The following BNC2 variants were observed in gnomAD, a reference collection of about 807,000 sequenced individuals.
BNC2 encodes zinc finger protein basonuclin-2.
BNC2 carries 20 observed loss-of-function variants against 76.3 expected under a neutral mutation model. The observed-to-expected ratio is 0.26, with a 90% CI of 0.18 to 0.38. The LOEUF is 0.38. Among genes scored for constraint, BNC2 ranks in the 10% least tolerant of loss-of-function variants. The pLI, the probability that BNC2 is intolerant of heterozygous loss-of-function variation, is 1.00. For missense variants in BNC2, 1,382 were observed against 1,399.8 expected (o/e 0.99, Z 0.20); for synonymous variants, 582 against 514.8 (o/e 1.13, Z -1.77).
At chr9:16,802,262 A>G (rs1320483467) in intron 1 of BNC2, among the ~76,000 whole-genome samples, 4 of 152,206 alleles carry the variant, frequency 2.6e-5, no homozygotes, top group Non-Finnish European at 4.4e-5. Context: ...AAACCATTAG[A>G]GGGCTCCTTA....
chr9:16,722,006 C>G (rs1824171629), intron 3 of BNC2, among the ~76,000 whole-genome samples: 1 of 152,196 alleles, frequency 6.6e-6, no homozygotes, highest in Non-Finnish European at 1.5e-5. Context: ...AAAATCCTCT[C>G]AAAAGCTTTG....
intron 3 of BNC2, among the ~76,000 whole-genome samples, chr9:16,677,234 C>G: frequency 6.6e-6 from 1 of 152,134 alleles, no homozygotes; most frequent in East Asian, 1.9e-4. Flanking sequence ...GGCTGAAGAA[C>G]TCATCTTTCT....
intron 4 of BNC2, among the ~76,000 whole-genome samples, chr9:16,558,288 A>C (rs889596723): frequency 6.6e-6 from 1 of 152,254 alleles, no homozygotes. Flanking sequence ...CCAGGAACTT[A>C]CTTAGAACTA....
chr9:16,486,962 G>GT (rs1822177195), intron 5 of BNC2, among the ~76,000 whole-genome samples: 1 of 152,116 alleles, frequency 6.6e-6, no homozygotes. Flanking sequence ...TCCCATCTTG[G>GT]CCTCAAAAAG....
intron 3 of BNC2, among the ~76,000 whole-genome samples, chr9:16,694,811 C>T (rs1823287457): frequency 6.6e-6 from 1 of 152,084 alleles, no homozygotes; most frequent in Non-Finnish European, 1.5e-5. Context: ...CTGCTGAGGA[C>T]CCCAGACTAA....
At chr9:16,723,547 A>C (rs375782294) in intron 3 of BNC2, among the ~76,000 whole-genome samples, 95 of 152,208 alleles carry the variant, frequency 6.2e-4, no homozygotes, top group African/African-American at 2.2e-3. Context: ...TAGATTCCAG[A>C]AACTGAGATT....
intron 3 of BNC2, among the ~76,000 whole-genome samples, chr9:16,695,204 T>G (rs1474090892): frequency 6.6e-6 from 1 of 152,244 alleles, no homozygotes; most frequent in Non-Finnish European, 1.5e-5. Flanking sequence ...TTTGCTTTTC[T>G]TTTGGTATTA....
chr9:16,688,492 G>C lies in BNC2; in HGVS notation c.330+39305C>G, dbSNP rs1222034791. On this transcript the variant is annotated intron_variant, in intron 3 of 6. Coordinates refer to ENST00000380672, the MANE Select transcript of BNC2 (RefSeq NM_017637.6). ...TTTAATATAAATTTTAAACTGATTT[G>C]GGGAATTCCGTTTTATCCACTTTTC... Among the ~76,000 whole-genome samples, 3 of 152,064 alleles carry C rather than the reference G, an allele frequency of 2.0e-5. No individual in the cohort carries two copies. In the East Asian group the frequency reaches 5.8e-4, roughly 29 times the overall value.
intron 3 of BNC2, among the ~76,000 whole-genome samples, chr9:16,594,032 T>C (rs1225084433): frequency 6.6e-6 from 1 of 152,216 alleles, no homozygotes; most frequent in Non-Finnish European, 1.5e-5. Flanking sequence ...ATTACATTTC[T>C]CTGTGGCATT....
chr9:16,458,708 C>T (rs1323356578), intron 5 of BNC2, among the ~76,000 whole-genome samples: 1 of 152,216 alleles, frequency 6.6e-6, no homozygotes, highest in Non-Finnish European at 1.5e-5. Flanking sequence ...ATATGTATTA[C>T]AGAAAGGGAG....
chr9:16,719,761 T>C (rs1824094763), intron 3 of BNC2, among the ~76,000 whole-genome samples: 1 of 152,220 alleles, frequency 6.6e-6, no homozygotes. Context: ...ATGCTTTAAA[T>C]TTTAATTTCA....
intron 3 of BNC2, among the ~76,000 whole-genome samples, chr9:16,630,093 G>A (rs1044293129): frequency 6.6e-6 from 1 of 152,210 alleles, no homozygotes; most frequent in Non-Finnish European, 1.5e-5. Flanking sequence ...TATCTGCAGA[G>A]TGCAGTAAAG....
Position 16,435,560 on chromosome 9 carries a change from T to C in BNC2, c.2634A>G (p.Arg878=). ...GCCAATGGAGATTTACTGACCTGTC[T>C]CGGCTTCGGCGAGAGGGGAATGCAG... ...CNAAFPSRRS[R]DRHSANINLH... The change falls in exon 6 of 7, where the codon CGA becomes CGG. Residue 878 remains arginine (R), a synonymous_variant. Transcript: ENST00000380672. 6.2e-7 allele frequency: 1 copy of C among 1,613,868 alleles called. No homozygotes were observed. The highest frequency in any genetic ancestry group is 8.5e-7 in the Non-Finnish European group (1 of 1,180,006).
chr9:16,479,499 A>T (rs1391210324), intron 5 of BNC2, among the ~76,000 whole-genome samples: 1 of 152,192 alleles, frequency 6.6e-6, no homozygotes. Flanking sequence ...ATATTTTATT[A>T]TTAAAATTTT....
At chr9:16,469,045 T>A (rs1821758978) in intron 5 of BNC2, among the ~76,000 whole-genome samples, 1 of 152,246 alleles carries the variant, frequency 6.6e-6, no homozygotes, top group African/African-American at 2.4e-5. Context: ...GCTTTTCAGC[T>A]TATGTGCTAT....
At chr9:16,446,657 T>G (rs1821237516) in intron 5 of BNC2, among the ~76,000 whole-genome samples, 1 of 152,134 alleles carries the variant, frequency 6.6e-6, no homozygotes. Flanking sequence ...GACATTTGAT[T>G]TAAAAAATTT....
intron 5 of BNC2, among the ~76,000 whole-genome samples, chr9:16,538,449 C>G (rs923679550): frequency 6.6e-6 from 1 of 152,188 alleles, no homozygotes; most frequent in Non-Finnish European, 1.5e-5. Context: ...AGCAATTCCA[C>G]AGAGATCGTC....
In BNC2 at chr9:16,471,590, CTGCT is replaced by C. The variant is rs1310843527; in HGVS notation, c.670-34070_670-34067del. ...TACAGGCGTGAGCCACTGCACCCAG[CTGCT>C]TGCTTTTGATTTTACAGGCCTGTAG... On this transcript the variant is annotated intron_variant, in intron 5 of 6. Transcript: ENST00000380672. 2.0e-5 allele frequency among the ~76,000 whole-genome samples: 3 copies of C among 152,162 alleles called. No homozygotes were observed. The East Asian group carries it at 5.8e-4, about 29-fold the overall frequency.
At chr9:16,787,033 G>A (rs1268265130) in intron 1 of BNC2, among the ~76,000 whole-genome samples, 1 of 152,180 alleles carries the variant, frequency 6.6e-6, no homozygotes, top group Non-Finnish European at 1.5e-5. Context: ...AAATGGCAGA[G>A]GGGACAGGAA....
Sources: allele counts gnomAD v4.1 joint callset (sites outside exome capture counted in the v4.1 genomes callset), GRCh38; gene constraint gnomAD v4.1.1; transcripts MANE v1.5; gene names NCBI Gene and HGNC (gene_info 2026-07-23, HGNC 2026-07-21).